RGS7: variants seen among roughly 807,000 people sequenced by gnomAD.
RGS7 encodes regulator of G-protein signaling 7.
Under a neutral mutation model 81.1 loss-of-function variants are expected in RGS7, and 27 were observed. The observed-to-expected ratio is 0.33, with a 90% CI of 0.25 to 0.46. The LOEUF is 0.46. Among genes scored for constraint, RGS7 ranks in the 20% least tolerant of loss-of-function variants. The probability of loss-of-function intolerance (pLI) is 1.00; values close to 1 mark genes in which losing one functional copy is unlikely to be tolerated. For missense variants in RGS7, 396 were observed against 607.4 expected (o/e 0.65, Z 3.66); for synonymous variants, 208 against 207.7 (o/e 1.00, Z -0.01).
chr1:240,844,452 GGACA>G (rs1442213266), intron 9 of RGS7, among the ~76,000 whole-genome samples: 4 of 152,138 alleles, frequency 2.6e-5, no homozygotes, highest in Admixed American at 2.6e-4. Context: ...AGAAGAAACA[GGACA>G]GAAATCTGGG....
chr1:241,045,189 C>T (rs2060852641), intron 3 of RGS7, among the ~76,000 whole-genome samples: 1 of 152,142 alleles, frequency 6.6e-6, no homozygotes, highest in Admixed American at 6.5e-5. Flanking sequence ...TTGGAAAACA[C>T]TTGTCTAAAA....
chr1:240,786,386 A>G (rs1360571666), intron 18 of RGS7, among the ~76,000 whole-genome samples: 1 of 152,190 alleles, frequency 6.6e-6, no homozygotes, highest in African/African-American at 2.4e-5. Context: ...CATGTTATGG[A>G]TGTTTCTTCA....
At chr1:240,843,233 G>T (rs1320569215) in intron 9 of RGS7, among the ~76,000 whole-genome samples, 1 of 151,898 alleles carries the variant, frequency 6.6e-6, no homozygotes, top group Non-Finnish European at 1.5e-5. Flanking sequence ...AAGAAAGAAA[G>T]AATGAACATA....
Position 241,268,322 on chromosome 1 carries a change from C to T in RGS7, c.78+87377G>A, listed in dbSNP as rs76611537. The stretch of plus-strand genomic sequence containing the variant: ...TTCACCCTAGAACAGGGTTTCTCAA[C>T]CTCGGCACTATTGGCATCCTGGGCT... On this transcript the variant is annotated intron_variant, in intron 2 of 18. Coordinates refer to ENST00000440928, the MANE Select transcript of RGS7 (RefSeq NM_001364886.1). Among the ~76,000 whole-genome samples the T allele has an allele frequency of 8.5e-5, 13 of 152,342 alleles. No individual in the cohort carries two copies. In the East Asian group the frequency reaches 1.7e-3, roughly 20 times the overall value.
chr1:241,011,848 GAT>G (rs61553011), intron 3 of RGS7, among the ~76,000 whole-genome samples: 1 of 151,254 alleles, frequency 6.6e-6, no homozygotes, highest in Non-Finnish European at 1.5e-5. Context: ...ATGATCTTTT[GAT>G]ATATATATAT....
downstream of RGS7, among the ~76,000 whole-genome samples, chr1:240,775,066 A>G (rs945242267): frequency 6.6e-6 from 1 of 152,188 alleles, no homozygotes; most frequent in Non-Finnish European, 1.5e-5. Context: ...CAGGGATGCC[A>G]AGAGGTGACT....
intron 6 of RGS7, among the ~76,000 whole-genome samples, chr1:240,881,417 T>C (rs571464132): frequency 3.3e-5 from 5 of 152,070 alleles, no homozygotes; most frequent in Non-Finnish European, 5.9e-5. Flanking sequence ...AGTTAATGGG[T>C]GCAGCAAACC....
At chr1:241,104,048 GTTAAT>G (rs2064947491) in intron 2 of RGS7, among the ~76,000 whole-genome samples, 1 of 152,170 alleles carries the variant, frequency 6.6e-6, no homozygotes, top group African/African-American at 2.4e-5. Context: ...GAACAGGTGA[GTTAAT>G]TTAACACTCA....
At chr1:241,234,746 A>C in intron 2 of RGS7, among the ~76,000 whole-genome samples, 1 of 152,192 alleles carries the variant, frequency 6.6e-6, no homozygotes, top group East Asian at 1.9e-4. Flanking sequence ...CTTAGTCGAA[A>C]GAGGTTTATA....
chr1:240,831,912 C>T (rs1693921531), intron 9 of RGS7, among the ~76,000 whole-genome samples: 1 of 152,218 alleles, frequency 6.6e-6, no homozygotes, highest in Non-Finnish European at 1.5e-5. Context: ...GCTGGAATTA[C>T]AGGCATGAGT....
intron 3 of RGS7, among the ~76,000 whole-genome samples, chr1:241,032,549 T>A (rs1438570193): frequency 6.6e-6 from 1 of 152,196 alleles, no homozygotes; most frequent in Non-Finnish European, 1.5e-5. Context: ...TTGCATTGAA[T>A]CTGTAGATTG....
chr1:241,330,174 C>T (rs535321429), intron 2 of RGS7, among the ~76,000 whole-genome samples: 1,817 of 152,136 alleles, frequency 0.012, 26 homozygotes, highest in Non-Finnish European at 0.019. Flanking sequence ...CTCCTGACCT[C>T]GTGATCCACC....
chr1:240,919,296 T>G lies in RGS7; in HGVS notation c.385+11421A>C, dbSNP rs1380712363. Among the ~76,000 whole-genome samples the G allele has an allele frequency of 2.0e-5, 3 of 152,060 alleles. No individual in the cohort carries two copies. The East Asian group carries it at 5.8e-4, about 29-fold the overall frequency. ...ACCAAAAAGGAAGACTACAGACCAA[T>G]ACTTCTCATAAACATAGATGCAAAA... On this transcript the variant is annotated intron_variant, in intron 6 of 18. Transcript: ENST00000440928.
At chr1:240,881,388 A>G (rs1395147013) in intron 6 of RGS7, among the ~76,000 whole-genome samples, 2 of 152,256 alleles carry the variant, frequency 1.3e-5, no homozygotes, top group Admixed American at 1.3e-4. Flanking sequence ...ATTAGGAGAA[A>G]TACCTAATGT....
chr1:240,839,309 T>G (rs914330884), intron 9 of RGS7, among the ~76,000 whole-genome samples: 7 of 152,200 alleles, frequency 4.6e-5, no homozygotes, highest in African/African-American at 1.7e-4. Context: ...GGTCTCACAT[T>G]TTAGCGAATG....
chr1:241,045,599 T>A (rs1276877590), intron 3 of RGS7, among the ~76,000 whole-genome samples: 1 of 152,076 alleles, frequency 6.6e-6, no homozygotes, highest in Non-Finnish European at 1.5e-5. Context: ...CCTGATCTCA[T>A]GTGATCCTCC....
At position 241,323,231 on chromosome 1, in the gene RGS7, G is replaced by C. The variant is rs558509054; in HGVS notation, c.78+32468C>G. Among the ~76,000 whole-genome samples the C allele has an allele frequency of 5.3e-5, 8 of 152,330 alleles. No individual in the cohort carries two copies. In the South Asian group the frequency reaches 1.4e-3, roughly 28 times the overall value. On this transcript the variant is annotated intron_variant, in intron 2 of 18. Coordinates refer to ENST00000440928, the MANE Select transcript of RGS7 (RefSeq NM_001364886.1). ...TGATAATATGTTTTTGTGGCTATAA[G>C]TGCCAATGAATATATCAAGTTCTAA...
intron 2 of RGS7, among the ~76,000 whole-genome samples, chr1:241,229,581 A>G (rs1037143338): frequency 2.6e-5 from 4 of 152,192 alleles, no homozygotes; most frequent in Non-Finnish European, 5.9e-5. Flanking sequence ...ATATTTGAAG[A>G]GACAGAAATG....
intron 4 of RGS7, among the ~76,000 whole-genome samples, chr1:240,939,135 T>C (rs908888424): frequency 1.3e-5 from 2 of 152,204 alleles, no homozygotes; most frequent in African/African-American, 4.8e-5. Flanking sequence ...GTAGGTACTA[T>C]GTATATGGTA....
Sources: gnomAD v4.1 joint callset for allele counts (sites outside exome capture counted in the v4.1 genomes callset) on GRCh38, gnomAD v4.1.1 for gene constraint, MANE v1.5 for transcripts, NCBI Gene and HGNC (gene_info 2026-07-23, HGNC 2026-07-21) for gene names.